The following LRRC4C variants were observed in gnomAD, a reference collection of about 807,000 sequenced individuals.
LRRC4C encodes the protein leucine rich repeat containing 4C.
In LRRC4C, 5 loss-of-function variants were observed where a neutral mutation model predicts 33.6. That is an observed-to-expected ratio of 0.15 (90% CI 0.08 to 0.31). The LOEUF is 0.31. LRRC4C is among the 10% of genes least tolerant of loss of function. The probability of loss-of-function intolerance (pLI) is 1.00; values close to 1 mark genes in which losing one functional copy is unlikely to be tolerated. For synonymous variants in LRRC4C, 329 were observed against 302.0 expected (o/e 1.09, Z -0.93); for missense variants, 560 against 796.7 (o/e 0.70, Z 3.58).
intron 1 of LRRC4C, among the ~76,000 whole-genome samples, chr11:41,035,789 A>G (rs1380371247): frequency 6.6e-6 from 1 of 152,202 alleles, no homozygotes; most frequent in African/African-American, 2.4e-5. Flanking sequence ...GTAGAATTGA[A>G]TGGAAATTCG....
At chr11:40,283,566 T>C (rs888697642) in intron 4 of LRRC4C, among the ~76,000 whole-genome samples, 3 of 152,108 alleles carry the variant, frequency 2.0e-5, no homozygotes, top group Non-Finnish European at 4.4e-5. Flanking sequence ...AAGAAATTTC[T>C]TTACCTTAAA....
chr11:40,728,679 T>C (rs1947410552), intron 2 of LRRC4C, among the ~76,000 whole-genome samples: 1 of 151,448 alleles, frequency 6.6e-6, no homozygotes. Context: ...TATGTATTTG[T>C]ATGTTCATCA....
intron 5 of LRRC4C, among the ~76,000 whole-genome samples, chr11:40,214,364 T>C (rs749672695): frequency 3.3e-5 from 5 of 152,128 alleles, no homozygotes; most frequent in Non-Finnish European, 5.9e-5. Context: ...TGAGACATAT[T>C]CTGTTCCTAA....
chr11:41,338,086 A>G lies in LRRC4C; in HGVS notation c.-496+121345T>C, dbSNP rs375327706. 4.9e-4 allele frequency among the ~76,000 whole-genome samples: 75 copies of G among 152,204 alleles called. No homozygotes were observed. In the East Asian group the frequency reaches 0.013, roughly 27 times the overall value. ...ATGGGAAAGCTTTTACACTGTTGGT[A>G]GGTTAAATGGTTAAATTAATTCAAC... On this transcript the variant is annotated intron_variant, in intron 1 of 6. Coordinates refer to ENST00000528697, the MANE Select transcript of LRRC4C (RefSeq NM_001258419.2).
chr11:40,994,815 C>CT (rs200568590), intron 1 of LRRC4C, among the ~76,000 whole-genome samples: 16 of 69,842 alleles, frequency 2.3e-4, no homozygotes, highest in Admixed American at 1.1e-3. Context: ...TCTATTTATA[C>CT]TTTTTTTTTA....
intron 5 of LRRC4C, among the ~76,000 whole-genome samples, chr11:40,192,879 G>A (rs532654295): frequency 2.0e-5 from 3 of 152,152 alleles, no homozygotes; most frequent in African/African-American, 4.8e-5. Context: ...CCACAAAGCC[G>A]CTGTAGCCAG....
intron 2 of LRRC4C, among the ~76,000 whole-genome samples, chr11:40,719,624 C>T (rs2136667983): frequency 6.6e-6 from 1 of 152,236 alleles, no homozygotes; most frequent in East Asian, 1.9e-4. Context: ...GCAGTAATTG[C>T]AGTGAGCAAA....
intron 1 of LRRC4C, among the ~76,000 whole-genome samples, chr11:41,227,547 C>CA (rs1947596825): frequency 1.3e-5 from 2 of 152,090 alleles, no homozygotes; most frequent in African/African-American, 4.8e-5. Flanking sequence ...CTCTGTGACC[C>CA]AGGATGCAGT....
intron 1 of LRRC4C, among the ~76,000 whole-genome samples, chr11:41,439,234 A>G (rs1035478111): frequency 2.0e-5 from 3 of 152,184 alleles, no homozygotes; most frequent in Admixed American, 2.0e-4. Flanking sequence ...GCTGAGTAGT[A>G]TTCCATGGTA....
chr11:41,052,458 T>G (rs987732399), intron 1 of LRRC4C, among the ~76,000 whole-genome samples: 1 of 151,812 alleles, frequency 6.6e-6, no homozygotes, highest in Non-Finnish European at 1.5e-5. Context: ...TGCTCATTTC[T>G]TCCTGGCATC....
At chr11:40,344,074 A>T (rs1947006847) in intron 3 of LRRC4C, among the ~76,000 whole-genome samples, 1 of 152,144 alleles carries the variant, frequency 6.6e-6, no homozygotes, top group African/African-American at 2.4e-5. Flanking sequence ...TAGATGTATA[A>T]AGAAGAGCTG....
intron 3 of LRRC4C, among the ~76,000 whole-genome samples, chr11:40,647,174 A>T (rs1434805616): frequency 6.6e-6 from 1 of 152,206 alleles, no homozygotes; most frequent in Non-Finnish European, 1.5e-5. Flanking sequence ...AATGCAACTG[A>T]GAGAGAGCTA....
intron 2 of LRRC4C, among the ~76,000 whole-genome samples, chr11:40,851,463 C>T (rs1401454937): frequency 6.6e-6 from 1 of 152,178 alleles, no homozygotes; most frequent in African/African-American, 2.4e-5. Context: ...CTGTGGGCTG[C>T]ACCCACTGTC....
chr11:40,289,666 A>G (rs543904061), intron 4 of LRRC4C, among the ~76,000 whole-genome samples: 175 of 152,314 alleles, frequency 1.1e-3, no homozygotes, highest in Non-Finnish European at 1.8e-3. Flanking sequence ...ATCAGTTTAA[A>G]ACAAATCAGT....
At chr11:41,458,394 C>T (rs1439866084) in intron 1 of LRRC4C, among the ~76,000 whole-genome samples, 1 of 152,124 alleles carries the variant, frequency 6.6e-6, no homozygotes, top group Non-Finnish European at 1.5e-5. Flanking sequence ...TGGGGTGAAG[C>T]TAATTGATGC....
In LRRC4C at chr11:40,327,289, A is replaced by G. The variant is rs1357429544; in HGVS notation, c.-269-7568T>C. On this transcript the variant is annotated intron_variant, in intron 3 of 6. Coordinates refer to ENST00000528697, the MANE Select transcript of LRRC4C (RefSeq NM_001258419.2). ...TGGAGAATGAATGCCCTTTGGAGTC[A>G]TGTGAGATGCCTTGCTTACATAGAG... Among the ~76,000 whole-genome samples the G allele has an allele frequency of 4.0e-5, 6 of 150,896 alleles. No homozygotes were observed. In the Admixed American group the frequency reaches 4.0e-4, roughly 10 times the overall value.
chr11:40,537,506 G>C (rs1025690958), intron 3 of LRRC4C, among the ~76,000 whole-genome samples: 9 of 152,170 alleles, frequency 5.9e-5, no homozygotes, highest in African/African-American at 2.2e-4. Context: ...AGCTGTAAGA[G>C]AGACAGGTAA....
intron 2 of LRRC4C, among the ~76,000 whole-genome samples, chr11:40,812,118 T>C (rs914994659): frequency 3.9e-5 from 6 of 152,230 alleles, no homozygotes; most frequent in East Asian, 1.9e-4. Context: ...TGTTAGCTTA[T>C]GTTACAACCT....
chr11:40,119,213 CAT>C (rs1855649662), intron 6 of LRRC4C, among the ~76,000 whole-genome samples: 1 of 152,204 alleles, frequency 6.6e-6, no homozygotes, highest in Admixed American at 6.5e-5. Flanking sequence ...AATCCTTAAA[CAT>C]ATACCCACGT....
Sources: allele counts gnomAD v4.1 joint callset (sites outside exome capture counted in the v4.1 genomes callset), GRCh38; gene constraint gnomAD v4.1.1; transcripts MANE v1.5; gene names NCBI Gene and HGNC (gene_info 2026-07-23, HGNC 2026-07-21).